GFUS: variants seen among roughly 807,000 people sequenced by gnomAD.
GFUS encodes the protein GDP-L-fucose synthase.
GFUS carries 42 observed loss-of-function variants against 41.5 expected under a neutral mutation model. That is an observed-to-expected ratio of 1.01 (90% CI 0.79 to 1.31). The LOEUF is 1.31. Among genes scored for constraint, GFUS ranks in the 50% most tolerant of loss-of-function variants. GFUS has a pLI of 0.00. For synonymous variants in GFUS, 188 were observed against 173.4 expected (o/e 1.08, Z -0.66); for missense variants, 437 against 428.7 (o/e 1.02, Z -0.17).
At chr8:143,617,274 C>T (rs1287908876) in intron 1 of GFUS, 200 bp downstream of exon 1, 1 of 156,378 alleles carries the variant, frequency 6.4e-6, no homozygotes, top group Non-Finnish European at 1.4e-5. Context: ...GGCAGGGCCC[C>T]AGGGCCAGCC....
intron 1 of GFUS, 46 bp from the exon 2 acceptor site, chr8:143,616,769 C>T: frequency 2.5e-6 from 4 of 1,607,254 alleles, no homozygotes; most frequent in South Asian, 1.1e-5. Flanking sequence ...CGCTCTCATC[C>T]TTTGGAGCCC....
In GFUS at chr8:143,614,659, G is replaced by C; in HGVS notation, c.429C>G (p.Tyr143Ter). ...CGTCGATCATCCTCTTGGCATACGA[G>C]TACCCAAAATTGCTGTTGTGGGGAG... The part of the protein sequence containing the change: ...NGPPHNSNFG[Y>*]SYAKRMIDVQ... Residue 143 changes from tyrosine to a stop codon, truncating the protein, a stop_gained, in exon 5 of 11, where the codon TAC becomes TAG. Coordinates refer to ENST00000425753, the MANE Select transcript of GFUS (RefSeq NM_003313.4). LOFTEE classifies it high-confidence loss of function. The C allele has an allele frequency of 6.2e-7, 1 of 1,607,984 alleles. No homozygotes were observed. Among genetic ancestry groups the C allele is most frequent in the Non-Finnish European group, 8.5e-7 (1 of 1,175,308 alleles).
intron 2 of GFUS, 150 bp downstream of exon 2, chr8:143,616,417 G>T: frequency 1.5e-6 from 2 of 1,300,662 alleles, no homozygotes; most frequent in Admixed American, 1.7e-5. Flanking sequence ...ACACAGCCAA[G>T]CACACCCAGG....
chr8:143,616,099 C>T lies in GFUS; in HGVS notation c.261+7G>A, dbSNP rs1829717329. 3.8e-6 allele frequency: 6 copies of T among 1,568,762 alleles called. No individual in the cohort carries two copies. In the East Asian group the frequency reaches 1.1e-4, roughly 30 times the overall value. On this transcript the variant is annotated splice_region_variant and intron_variant, in intron 3 of 10. Coordinates refer to ENST00000425753, the MANE Select transcript of GFUS (RefSeq NM_003313.4). ...TTCCAGTGCTTGCTGGGGCCACCCT[C>T]ACTTACCCAGAAGTCCAAATTGTAT...
chr8:143,613,745 A>G lies in GFUS; in HGVS notation c.730+6T>C. 4 of 1,551,670 alleles carry G rather than the reference A, an allele frequency of 2.6e-6. No individual in the cohort carries two copies. In the South Asian group the frequency reaches 4.8e-5, roughly 18 times the overall value. On this transcript the variant is annotated splice_donor_region_variant and intron_variant, in intron 8 of 10. Transcript: ENST00000425753. ...GAGGAAGGGGGCTGAGGGCTGAGGT[A>G]CCCACCGGAGAGGATGATGGGCTCC...
chr8:143,616,843 C>T, intron 1 of GFUS, 120 bp from the exon 2 acceptor site: 2 of 1,211,458 alleles, frequency 1.7e-6, no homozygotes, highest in African/African-American at 1.5e-5. Flanking sequence ...CACTGGCAAC[C>T]AGAAAGACCC....
chr8:143,616,433 C>T, intron 2 of GFUS, 134 bp downstream of exon 2: 2 of 1,421,212 alleles, frequency 1.4e-6, no homozygotes, highest in Non-Finnish European at 2.0e-6. Flanking sequence ...CCAGGCCAGG[C>T]CAGCCACCTG....
rs1159474237 is a variant in GFUS, at chr8:143,616,225, A to G, written c.147-5T>C. 6.2e-7 allele frequency: 1 copy of G among 1,613,662 alleles called. No homozygotes were observed. Among genetic ancestry groups the G allele is most frequent in the Non-Finnish European group, 8.5e-7 (1 of 1,179,718 alleles). On this transcript the variant is annotated splice_region_variant and splice_polypyrimidine_tract_variant and intron_variant, in intron 2 of 10. Transcript: ENST00000425753. The stretch of plus-strand genomic sequence containing the variant: ...GCGCGGGTCTGTGCTGTATCCCTGT[A>G]GGAAGCCAGGCTGTCAGGAGGCTCT...
Position 143,613,599 on chromosome 8 carries a change from G to A in GFUS, c.735C>T (p.Gly245=), listed in dbSNP as rs201435015. The A allele has an allele frequency of 7.4e-6, 12 of 1,611,696 alleles. No homozygotes were observed. Among genetic ancestry groups the A allele is most frequent in the Middle Eastern group, 1.7e-4 (1 of 6,058 alleles). Residue 245 remains glycine (G), a synonymous_variant, in exon 9 of 11, where the codon GGC becomes GGT. Transcript: ENST00000425753. ...NEVEPIILSV[G]EEDEVSIKEA... is the part of the protein sequence containing the mutation. ...CCTTGATGGAGACCTCATCTTCCTC[G>A]CCCACTGTGGGGAGCCACCGGGTCA...
intron 5 of GFUS, 74 bp from the exon 6 acceptor site, chr8:143,614,527 T>C: frequency 6.4e-7 from 1 of 1,565,126 alleles, no homozygotes; most frequent in Non-Finnish European, 8.7e-7. Flanking sequence ...GGCCTCTTAC[T>C]GAGGCTGGCA....
At chr8:143,615,794 G>T (rs895874821) in intron 3 of GFUS, 4 of 331,858 alleles carry the variant, frequency 1.2e-5, no homozygotes, top group African/African-American at 8.5e-5. Flanking sequence ...GGGGACTCAG[G>T]GGGCAGGAAC....
At position 143,613,566 on chromosome 8, in the gene GFUS, G is replaced by T. The variant is rs140324538; in HGVS notation, c.768C>A (p.Ala256=). ...AGTCCATGGCCTCCACCACCGCCTCGGCTGCCTCCTTGATGGAGACCTCAT... is the reference window on the plus strand; with the variant it reads ...AGTCCATGGCCTCCACCACCGCCTCTGCTGCCTCCTTGATGGAGACCTCAT... ...EEDEVSIKEA[A]EAVVEAMDFH... is the part of the protein sequence containing the mutation. Residue 256 remains alanine (A), a synonymous_variant, in exon 9 of 11, where the codon GCC becomes GCA. Coordinates refer to ENST00000425753, the MANE Select transcript of GFUS (RefSeq NM_003313.4). 6.2e-7 allele frequency: 1 copy of T among 1,611,524 alleles called. No homozygotes were observed. Among genetic ancestry groups the T allele is most frequent in the Non-Finnish European group, 8.5e-7 (1 of 1,179,920 alleles).
chr8:143,614,425 A>G lies in GFUS; in HGVS notation c.493T>C (p.Phe165Leu). Residue 165 changes from phenylalanine to leucine, a missense_variant, in exon 6 of 11, where the codon TTC becomes CTC. Phe to Leu is a conservative substitution (Grantham distance 22, BLOSUM62 0). Coordinates refer to ENST00000425753, the MANE Select transcript of GFUS (RefSeq NM_003313.4). ...RAYFQQYGCT[F>L]TAVIPTNVFG... The stretch of plus-strand genomic sequence containing the variant: ...ACGTTGGTGGGGATGACAGCGGTGA[A>G]GGTGCAGCCGTACTGCTGGAAGTAG... The G allele has an allele frequency of 6.2e-7, 1 of 1,613,684 alleles. No individual in the cohort carries two copies. Among genetic ancestry groups the G allele is most frequent in the Non-Finnish European group, 8.5e-7 (1 of 1,179,912 alleles).
At chr8:143,617,735 C>G (rs6558378), upstream of GFUS, among the ~76,000 whole-genome samples, 60,047 of 151,982 alleles carry the variant, frequency 0.4, 14,171 homozygotes, top group East Asian at 0.66. Flanking sequence ...ACCTCTTTAG[C>G]CCGCGGGGCG....
chr8:143,612,695 G>A lies in GFUS; in HGVS notation c.*215C>T. On this transcript the variant is annotated 3_prime_UTR_variant, in exon 11 of 11. Transcript: ENST00000425753. ...GTGGACACGCGCAGGGGGCTGGTGT[G>A]GGGAGCAAAGCGCCGGGCCTGCCCG... 1 of 616,062 alleles carries A rather than the reference G, an allele frequency of 1.6e-6. No individual in the cohort carries two copies. The highest frequency in any genetic ancestry group is 2.9e-6 in the Non-Finnish European group (1 of 347,156). The allele number at this position is 616,062 out of a possible 1,614,324, so 38.2% of individuals were successfully genotyped here.
rs189567561 is a variant in GFUS at position 143,613,904 on chromosome 8, C to T, written c.664-87G>A. The T allele has an allele frequency of 2.0e-4, 286 of 1,415,284 alleles. No individual in the cohort carries two copies. In the African/African-American group the frequency reaches 3.8e-3, roughly 19 times the overall value. 87.7% of individuals were successfully genotyped at this position (1,415,284 alleles called of 1,614,324 possible). ...CTGCTGGGGAGTCCATACTGCTGTC[C>T]TTGTTCAGTGGGGGCTCAGCCTGGG... On this transcript the variant is annotated intron_variant, in intron 7 of 10. Transcript: ENST00000425753.
chr8:143,613,755 G>A lies in GFUS; in HGVS notation c.726C>T (p.Leu242=), dbSNP rs915746541. 2.6e-6 allele frequency: 4 copies of A among 1,551,150 alleles called. No individual in the cohort carries two copies. The African/African-American group carries it at 4.1e-5, about 16-fold the overall frequency. Residue 242 remains leucine (L), a synonymous_variant, in exon 8 of 11, where the codon CTC becomes CTT. Coordinates refer to ENST00000425753, the MANE Select transcript of GFUS (RefSeq NM_003313.4). ...REYNEVEPII[L]SVGEEDEVSI... is the part of the protein sequence containing the mutation. ...GCTGAGGGCTGAGGTACCCACCGGA[G>A]AGGATGATGGGCTCCACTTCATTGT...
chr8:143,617,883 T>C (rs1475045127), upstream of GFUS: 1 of 152,104 alleles, frequency 6.6e-6, no homozygotes, highest in East Asian at 1.9e-4. Flanking sequence ...GGCGTCTCCC[T>C]TTGCTCCCCT....
At position 143,612,751 on chromosome 8, in the gene GFUS, A is replaced by C; in HGVS notation, c.*159T>G. 2 of 917,770 alleles carry C rather than the reference A, an allele frequency of 2.2e-6. No individual in the cohort carries two copies. The highest frequency in any genetic ancestry group is 3.3e-6 in the Non-Finnish European group (2 of 608,726). 56.9% of individuals were successfully genotyped at this position (917,770 alleles called of 1,614,324 possible). On this transcript the variant is annotated 3_prime_UTR_variant, in exon 11 of 11. Coordinates refer to ENST00000425753, the MANE Select transcript of GFUS (RefSeq NM_003313.4). ...CTGGTTTCCCTGAGGACCAACGTGA[A>C]TGGGGGCCCCACTGGAAAGATGCTT...
Sources: gnomAD v4.1 joint callset for allele counts (sites outside exome capture counted in the v4.1 genomes callset) on GRCh38, gnomAD v4.1.1 for gene constraint, MANE v1.5 for transcripts, NCBI Gene and HGNC (gene_info 2026-07-23, HGNC 2026-07-21) for gene names.